The following APOL1 variants were observed in gnomAD, a reference collection of about 807,000 sequenced individuals.
APOL1 encodes apolipoprotein L1.
A neutral mutation model predicts 14.9 loss-of-function variants in APOL1; 17 were observed. That is an observed-to-expected ratio of 1.14 (90% CI 0.78 to 1.71). The LOEUF (loss-of-function observed/expected upper bound fraction) is 1.71. Ranked by LOEUF, APOL1 falls within the 40% of genes most tolerant of loss-of-function variation. APOL1 has a pLI of 0.00. For missense variants in APOL1, 523 were observed against 485.9 expected (o/e 1.08, Z -0.72); for synonymous variants, 195 against 184.8 (o/e 1.05, Z -0.45).
chr22:36,257,371 C>G lies in APOL1; in HGVS notation c.151C>G (p.Pro51Ala). ...AGATACTGGAGATCCTCAAAGTAAGCCCCTCGGTGACTGGGCTGCTGGCAC... is the reference window on the plus strand; with the variant it reads ...AGATACTGGAGATCCTCAAAGTAAGGCCCTCGGTGACTGGGCTGCTGGCAC... ...GTDTGDPQSK[P>A]LGDWAAGTMD... Residue 51 changes from proline to alanine, a missense_variant, in exon 4 of 6, where the codon CCC becomes GCC. By Grantham distance (27) the Pro-to-Ala change is conservative. Transcript: ENST00000397278. 1 of 1,614,154 alleles carries G rather than the reference C, an allele frequency of 6.2e-7. No homozygotes were observed. Among genetic ancestry groups the G allele is most frequent in the Non-Finnish European group, 8.5e-7 (1 of 1,180,002 alleles).
In APOL1 at chr22:36,257,140, A is replaced by G. The variant is rs1284630872; in HGVS notation, c.98+4A>G. 2 of 1,613,990 alleles carry G rather than the reference A, an allele frequency of 1.2e-6. No homozygotes were observed. Among genetic ancestry groups the G allele is most frequent in the East Asian group, 4.5e-5 (2 of 44,900 alleles). On this transcript the variant is annotated splice_donor_region_variant and intron_variant, in intron 3 of 5. Transcript: ENST00000397278. ...GGGCAGAGGAAGCTGGAGCGAGGTG[A>G]GTGTCTGCAAATAGCAGATGATGGG... is the stretch of plus-strand genomic sequence containing the variant.
intron 4 of APOL1, chr22:36,259,753 C>T (rs2016018201): frequency 7.7e-7 from 1 of 1,304,254 alleles, no homozygotes; most frequent in East Asian, 5.5e-5. Context: ...GGAGGTGCCT[C>T]AAGGATCAGT....
chr22:36,257,640 T>G, intron 4 of APOL1: 2 of 349,042 alleles, frequency 5.7e-6, no homozygotes, highest in South Asian at 2.8e-5. Flanking sequence ...CTCCCTACCC[T>G]GGCACCTAGC....
At position 36,266,453 on chromosome 22, in the gene APOL1, G is replaced by A. The variant is rs2016264626; in HGVS notation, c.*420G>A. On this transcript the variant is annotated 3_prime_UTR_variant, in exon 6 of 6. Coordinates refer to ENST00000397278, the MANE Select transcript of APOL1 (RefSeq NM_003661.4). ...GTAAAGTTTATGGAACTGAGTGTTA[G>A]GGACTTTGGCATTTCCATAGCTGAG... 3 of 407,104 alleles carry A rather than the reference G, an allele frequency of 7.4e-6. No homozygotes were observed. Among genetic ancestry groups the A allele is most frequent in the Admixed American group, 4.2e-5 (1 of 24,086 alleles). The allele number at this position is 407,104 out of a possible 1,614,324, so 25.2% of individuals were successfully genotyped here.
Position 36,255,107 on chromosome 22 carries a change from C to T in APOL1, c.44+108C>T. On this transcript the variant is annotated intron_variant, in intron 2 of 5. Coordinates refer to ENST00000397278, the MANE Select transcript of APOL1 (RefSeq NM_003661.4). ...GGGCCATCTGGGCTTCTTCTAGGAA[C>T]CAAAGTCACTTCCCGGAATTGACCA... 3.0e-6 allele frequency: 4 copies of T among 1,332,542 alleles called. No individual in the cohort carries two copies. The South Asian group carries it at 4.8e-5, about 16-fold the overall frequency. 82.5% of individuals were successfully genotyped at this position (1,332,542 alleles called of 1,614,324 possible). A position where few individuals can be genotyped will look rare whatever the true frequency, so the allele number is the denominator to read the frequency against.
intron 4 of APOL1, chr22:36,257,641 G>C: frequency 2.1e-6 from 1 of 475,746 alleles, no homozygotes; most frequent in Non-Finnish European, 3.8e-6. Flanking sequence ...TCCCTACCCT[G>C]GCACCTAGCA....
At chr22:36,265,069 C>G in intron 5 of APOL1, 82 bp from the exon 6 acceptor site, 1 of 1,556,158 alleles carries the variant, frequency 6.4e-7, no homozygotes, top group Non-Finnish European at 8.7e-7. Flanking sequence ...CCTTGGCCTC[C>G]CAAAGTGCTG....
At chr22:36,256,003 C>A (rs189125506) in intron 2 of APOL1, among the ~76,000 whole-genome samples, 1 of 152,174 alleles carries the variant, frequency 6.6e-6, no homozygotes, top group African/African-American at 2.4e-5. Context: ...CATATACCCT[C>A]AGTTGTACCC....
At chr22:36,263,063 C>T (rs963938300) in intron 5 of APOL1, among the ~76,000 whole-genome samples, 1 of 152,148 alleles carries the variant, frequency 6.6e-6, no homozygotes, top group Non-Finnish European at 1.5e-5. Context: ...TTGCAAATGG[C>T]CTTGGTGTGC....
chr22:36,258,712 A>T (rs986555484), intron 4 of APOL1, among the ~76,000 whole-genome samples: 7 of 152,086 alleles, frequency 4.6e-5, no homozygotes, highest in African/African-American at 1.4e-4. Flanking sequence ...TGGTTTATTA[A>T]ATTAAGGTGT....
rs112074559 is a variant in APOL1, at chr22:36,261,693, C to T, written c.285C>T (p.Asn95=). The change falls in exon 5 of 6, where the codon AAC becomes AAT. Residue 95 remains asparagine, a synonymous_variant. Coordinates refer to ENST00000397278, the MANE Select transcript of APOL1 (RefSeq NM_003661.4). ...TGCTGACTGATAATGAGGCCTGGAACGGATTCGTGGCTGCTGCTGAACTGC... is the reference window on the plus strand; with the variant it reads ...TGCTGACTGATAATGAGGCCTGGAATGGATTCGTGGCTGCTGCTGAACTGC... The part of the protein sequence containing the change: ...LLLLTDNEAW[N]GFVAAAELPR... 5.6e-5 allele frequency: 90 copies of T among 1,614,028 alleles called. No individual in the cohort carries two copies. The African/African-American group carries it at 7.9e-4, about 14-fold the overall frequency.
intron 5 of APOL1, among the ~76,000 whole-genome samples, 186 bp from the exon 6 acceptor site, chr22:36,264,965 C>T (rs1357208775): frequency 6.6e-6 from 1 of 151,994 alleles, no homozygotes; most frequent in African/African-American, 2.4e-5. Context: ...GCGCCCACCA[C>T]CACGCCCGGC....
chr22:36,264,390 GATCA>G (rs2016166752), intron 5 of APOL1, among the ~76,000 whole-genome samples: 1 of 152,218 alleles, frequency 6.6e-6, no homozygotes, highest in Non-Finnish European at 1.5e-5. Flanking sequence ...GGGGCCTGGA[GATCA>G]CTTCCCAGGA....
At chr22:36,262,039 C>T (rs965830605) in intron 5 of APOL1, among the ~76,000 whole-genome samples, 1 of 152,190 alleles carries the variant, frequency 6.6e-6, no homozygotes, top group Non-Finnish European at 1.5e-5. Flanking sequence ...AAAATGAGAT[C>T]GTGCATGTAA....
In APOL1 at chr22:36,256,936, A is replaced by C; in HGVS notation, c.45-147A>C. On this transcript the variant is annotated intron_variant, in intron 2 of 5. Transcript: ENST00000397278. ...AGACATGCAATACACACTGGCTATC[A>C]CCAGCTAGTTATCACACATGCTCCC... 9.2e-6 allele frequency: 7 copies of C among 759,626 alleles called. No homozygotes were observed. The South Asian group carries it at 1.3e-4, about 14-fold the overall frequency. 47.1% of individuals were successfully genotyped at this position (759,626 alleles called of 1,614,324 possible).
intron 4 of APOL1, 129 bp from the exon 5 acceptor site, chr22:36,261,467 A>C: frequency 2.0e-6 from 2 of 1,022,152 alleles, no homozygotes; most frequent in South Asian, 3.0e-5. Context: ...CTATAGCACT[A>C]ATGACTCCAT....
At position 36,262,596 on chromosome 22, in the gene APOL1, G is replaced by A. The variant is rs142709092; in HGVS notation, c.314+874G>A. Among the ~76,000 whole-genome samples, 316 of 152,338 alleles carry A rather than the reference G, an allele frequency of 2.1e-3. 2 individuals are homozygous for A. Among genetic ancestry groups the A allele is most frequent in the African/African-American group, 7.0e-3 (293 of 41,570 alleles). ...TTGTAGGACAAGCAGGAAGGCTGGG[G>A]CACCAGGGCTGGGACTAGGGTGTGG... On this transcript the variant is annotated intron_variant, in intron 5 of 5. Transcript: ENST00000397278.
At chr22:36,254,818 G>GC in intron 1 of APOL1, 119 bp from the exon 2 acceptor site, 1 of 1,307,758 alleles carries the variant, frequency 7.6e-7, no homozygotes, top group Non-Finnish European at 1.1e-6. Context: ...AGCCTAGATC[G>GC]CCCCACTGCA....
At chr22:36,259,521 G>C in intron 4 of APOL1, 1 of 1,144,658 alleles carries the variant, frequency 8.7e-7, no homozygotes, top group East Asian at 6.0e-5. Context: ...ACTGGGCTGT[G>C]CTGAGTCCTG....
Sources: allele counts gnomAD v4.1 joint callset (sites outside exome capture counted in the v4.1 genomes callset), GRCh38; gene constraint gnomAD v4.1.1; transcripts MANE v1.5; gene names NCBI Gene and HGNC (gene_info 2026-07-23, HGNC 2026-07-21).